The following PLIN4 variants were observed in gnomAD, a reference collection of about 807,000 sequenced individuals.
The protein encoded by PLIN4 is perilipin-4.
A neutral mutation model predicts 52.4 loss-of-function variants in PLIN4; 57 were observed. The observed-to-expected ratio is 1.09, with a 90% CI of 0.88 to 1.36. The LOEUF is 1.36. PLIN4 is among the 40% of genes most tolerant of loss of function. The pLI, the probability that PLIN4 is intolerant of heterozygous loss-of-function variation, is 0.00. For synonymous variants in PLIN4, 826 were observed against 785.4 expected (o/e 1.05, Z -0.86); for missense variants, 1,757 against 1,770.3 (o/e 0.99, Z 0.13).
intron 6 of PLIN4, among the ~76,000 whole-genome samples, chr19:4,505,156 G>A (rs1254660189): frequency 1.3e-5 from 2 of 152,154 alleles, no homozygotes; most frequent in Non-Finnish European, 2.9e-5. Context: ...GGGAGTGCAC[G>A]TAACACAGTG....
rs376134609 is a variant in PLIN4 at position 4,509,777 on chromosome 19, A to C, written c.3514+669T>G. On this transcript the variant is annotated intron_variant, in intron 5 of 7. Transcript: ENST00000301286. ...CAACATAGAGAGACAAAAAACATAC[A>C]AAAAAATACATAGCCGGGCATGGTG... Among the ~76,000 whole-genome samples, 16 of 151,886 alleles carry C rather than the reference A, an allele frequency of 1.1e-4. 1 individual carries two copies. The highest frequency in any genetic ancestry group is 2.9e-4 in the African/African-American group (12 of 41,324).
chr19:4,510,758 T>C lies in PLIN4; in HGVS notation c.3202A>G (p.Thr1068Ala), dbSNP rs1299046204. The C allele has an allele frequency of 8.3e-6, 13 of 1,563,262 alleles. No homozygotes were observed. Among genetic ancestry groups the C allele is most frequent in the Middle Eastern group, 1.7e-4 (1 of 5,782 alleles). ...CCATTGTCTGTGGTCCTGGAACTGG[T>C]GAGTCCACCCCAGGAGGTGGCGGGG... ...STPATSWGGL[T>A]SSRTTDNGGE... is the part of the protein sequence containing the mutation. Residue 1068 changes from threonine to alanine, a missense_variant, in exon 5 of 8, where the codon ACC becomes GCC. Physicochemically the swap from Thr to Ala is moderately conservative, Grantham distance 58. Transcript: ENST00000301286.
In PLIN4 at chr19:4,511,091, G is replaced by A. The variant is rs374494350; in HGVS notation, c.2869C>T (p.Leu957=). Residue 957 remains leucine, a synonymous_variant, in exon 5 of 8, where the codon CTG becomes TTG. Transcript: ENST00000301286. ...GTCACTGCATCCTTAGCGCCACTCA[G>A]CACCGTCTTGGCTGTGTCCACACCT... is the stretch of plus-strand genomic sequence containing the variant. ...QTGVDTAKTV[L]SGAKDAVTTG... The A allele has an allele frequency of 6.2e-7, 1 of 1,610,972 alleles. No homozygotes were observed. The highest frequency in any genetic ancestry group is 8.5e-7 in the Non-Finnish European group (1 of 1,178,036).
chr19:4,515,414 G>A (rs980733185), intron 4 of PLIN4, among the ~76,000 whole-genome samples: 5 of 151,540 alleles, frequency 3.3e-5, no homozygotes, highest in African/African-American at 7.3e-5. Flanking sequence ...TATTACAGGC[G>A]TGCACCACCA....
chr19:4,509,008 C>A, intron 5 of PLIN4, 53 bp from the exon 6 acceptor site: 1 of 1,531,298 alleles, frequency 6.5e-7, no homozygotes, highest in Admixed American at 2.0e-5. Flanking sequence ...GGCATCAGGG[C>A]TTTATAAAAG....
rs778109394 is a variant in PLIN4 at position 4,508,843 on chromosome 19, G to C, written c.3627C>G (p.His1209Gln). Residue 1209 changes from histidine to glutamine, a missense_variant, in exon 6 of 8, where the codon CAC (histidine) becomes CAG (glutamine). By Grantham distance (24) the His-to-Gln change is conservative. Around this residue, in one of 7 missense-constraint regions of PLIN4, gnomAD observed 712 missense variants for 637.1 expected, o/e 1.12. Transcript: ENST00000301286. The part of the protein sequence containing the change: ...GPSFRQRAFE[H>Q]AVSHLQHGQF... ...GGCCGTGCTGCAGGTGGCTCACCGC[G>C]TGTTCAAATGCCCGCTGGCGGAAGC... 3 of 1,610,158 alleles carry C rather than the reference G, an allele frequency of 1.9e-6. No individual in the cohort carries two copies. In the African/African-American group the frequency reaches 4.0e-5, roughly 22 times the overall value.
chr19:4,512,882 T>A lies in PLIN4; in HGVS notation c.1078A>T (p.Lys360Ter). 1 of 1,571,898 alleles carries A rather than the reference T, an allele frequency of 6.4e-7. No homozygotes were observed. Among genetic ancestry groups the A allele is most frequent in the South Asian group, 1.1e-5 (1 of 90,564 alleles). ...TTCTTGGTGCCAGTTAGGACAGTCT[T>A]GGTGGTGTCCACGCCGGTCTGGATG... The part of the protein sequence containing the change: ...GTIQTGVDTT[K>*]TVLTGTKNTV... Residue 360 changes from lysine (K) to a stop codon, truncating the protein, a stop_gained, in exon 5 of 8, where the codon AAG (lysine) becomes TAG (stop). Transcript: ENST00000301286. LOFTEE classifies it high-confidence loss of function.
At chr19:4,506,116 CAG>C (rs1039592108) in intron 6 of PLIN4, among the ~76,000 whole-genome samples, 7 of 152,132 alleles carry the variant, frequency 4.6e-5, no homozygotes, top group African/African-American at 1.7e-4. Flanking sequence ...CCTCCCCCAT[CAG>C]AGTGATCCTT....
Position 4,504,518 on chromosome 19 carries a change from G to A in PLIN4, c.4057C>T (p.His1353Tyr). Reference sequence around the variant, plus strand: ...ACCAGCCAGCTGAGCGGGGGATTGTGCTGTAGGCCCTCCAGCAGCTGCTCT... The same window carrying A: ...ACCAGCCAGCTGAGCGGGGGATTGTACTGTAGGCCCTCCAGCAGCTGCTCT... Reference protein sequence around the residue: ...GLEQLLEGLQHNPPLSWLVGP... With the variant: ...GLEQLLEGLQYNPPLSWLVGP... The change falls in exon 8 of 8, where the codon CAC becomes TAC. Residue 1353 changes from histidine (H) to tyrosine (Y), a missense_variant. His to Tyr is a moderately conservative substitution (Grantham distance 83, BLOSUM62 2). Coordinates refer to ENST00000301286, the MANE Select transcript of PLIN4 (RefSeq NM_001367868.2). The A allele has an allele frequency of 6.2e-7, 1 of 1,605,268 alleles. No individual in the cohort carries two copies.
In PLIN4 at chr19:4,511,095, C is replaced by T. The variant is rs373006053; in HGVS notation, c.2865G>A (p.Thr955=). The part of the protein sequence containing the change: ...TVQTGVDTAK[T]VLSGAKDAVT... ...CTGCATCCTTAGCGCCACTCAGCACCGTCTTGGCTGTGTCCACACCTGTCT... is the reference window on the plus strand; with the variant it reads ...CTGCATCCTTAGCGCCACTCAGCACTGTCTTGGCTGTGTCCACACCTGTCT... The change falls in exon 5 of 8, where the codon ACG becomes ACA. Residue 955 remains threonine, a synonymous_variant. Coordinates refer to ENST00000301286, the MANE Select transcript of PLIN4 (RefSeq NM_001367868.2). 42 of 1,610,608 alleles carry T rather than the reference C, an allele frequency of 2.6e-5. No homozygotes were observed. Among genetic ancestry groups the T allele is most frequent in the African/African-American group, 9.4e-5 (7 of 74,788 alleles).
rs12609140 is a variant in PLIN4 at position 4,517,660 on chromosome 19, G to C, written c.90C>G (p.Ser30Arg). 4.4e-6 allele frequency: 7 copies of C among 1,603,676 alleles called. No individual in the cohort carries two copies. In the South Asian group the frequency reaches 6.7e-5, roughly 15 times the overall value. ...CGTTGGCCACCAGGTTCCGGGCAGA[G>C]CTGAAGCCAGGCAGGGACCCAAAGA... ...GSFFGSLPGF[S>R]SARNLVANAH... Residue 30 changes from serine to arginine, a missense_variant, in exon 3 of 8, where the codon AGC (serine) becomes AGG (arginine). This residue lies in a region of PLIN4 where 332 missense variants were observed against 310.8 expected (regional missense o/e 1.07). Transcript: ENST00000301286.
intron 3 of PLIN4, 125 bp downstream of exon 3, chr19:4,517,429 T>C (rs914226107): frequency 3.2e-6 from 4 of 1,257,154 alleles, no homozygotes; most frequent in Non-Finnish European, 3.2e-6. Flanking sequence ...TCCTAGTGTC[T>C]GATGAGAGCA....
chr19:4,507,813 C>T (rs751459814), intron 6 of PLIN4, among the ~76,000 whole-genome samples: 2 of 152,048 alleles, frequency 1.3e-5, no homozygotes, highest in South Asian at 2.1e-4. Flanking sequence ...AGGCCAGGGA[C>T]GCTGCTCAGC....
rs201980549 is a variant in PLIN4 at position 4,510,609 on chromosome 19, C to T, written c.3351G>A (p.Ala1117=). Residue 1117 remains alanine (A), a synonymous_variant, in exon 5 of 8, where the codon GCG becomes GCA. Coordinates refer to ENST00000301286, the MANE Select transcript of PLIN4 (RefSeq NM_001367868.2). ...WEAAATTKGL[A]TDVATFTQGA... is the part of the protein sequence containing the mutation. ...CTTGGGTGAACGTCGCCACGTCAGT[C>T]GCAAGGCCCTTGGTAGTGGCTGCGG... 65 of 1,504,658 alleles carry T rather than the reference C, an allele frequency of 4.3e-5. No homozygotes were observed. The South Asian group carries it at 4.7e-4, about 11-fold the overall frequency. 93.2% of individuals were successfully genotyped at this position (1,504,658 alleles called of 1,614,324 possible). A position where few individuals can be genotyped will look rare whatever the true frequency, so the allele number is the denominator to read the frequency against.
chr19:4,507,694 C>T (rs536622864), intron 6 of PLIN4, among the ~76,000 whole-genome samples: 106 of 152,200 alleles, frequency 7.0e-4, no homozygotes, highest in Middle Eastern at 3.4e-3. Flanking sequence ...GTCTCACTGT[C>T]TCCAAAACAT....
At position 4,511,724 on chromosome 19, in the gene PLIN4, C is replaced by A; in HGVS notation, c.2236G>T (p.Gly746Trp). The A allele has an allele frequency of 8.3e-7, 1 of 1,202,356 alleles. No individual in the cohort carries two copies. The highest frequency in any genetic ancestry group is 1.5e-5 in the South Asian group (1 of 66,030). The allele number at this position is 1,202,356 out of a possible 1,614,324, so 74.5% of individuals were successfully genotyped here. The change falls in exon 5 of 8, where the codon GGG (glycine) becomes TGG (tryptophan). Residue 746 changes from glycine (G) to tryptophan (W), a missense_variant. Around this residue, in one of 7 missense-constraint regions of PLIN4, gnomAD observed 96 missense variants for 136.5 expected, o/e 0.70. Coordinates refer to ENST00000301286, the MANE Select transcript of PLIN4 (RefSeq NM_001367868.2). ...GTGTCCAGGCCCCCTTGGATGGCCC[C>A]TTTGGCCACATTCGCAGCACCGGTC... ...GVTGAANVAK[G>W]AIQGGLDTTK...
Position 4,502,486 on chromosome 19 carries a change from G to T in PLIN4, c.*1973C>A, listed in dbSNP as rs962674906. 1 of 280,036 alleles carries T rather than the reference G, an allele frequency of 3.6e-6. No individual in the cohort carries two copies. The highest frequency in any genetic ancestry group is 6.8e-6 in the Non-Finnish European group (1 of 146,942). 17.3% of individuals were successfully genotyped at this position (280,036 alleles called of 1,614,324 possible). On this transcript the variant is annotated 3_prime_UTR_variant, in exon 8 of 8. Transcript: ENST00000301286. ...CTGCCCCGCACCCACGAGGCTGGGG[G>T]GTTTGATGCTTCCTGCATCTGGCAG...
At chr19:4,506,768 A>G (rs1218186621) in intron 6 of PLIN4, among the ~76,000 whole-genome samples, 1 of 152,248 alleles carries the variant, frequency 6.6e-6, no homozygotes. Context: ...ATGCTTTGTG[A>G]TCAGCCGCTT....
chr19:4,512,452 G>T lies in PLIN4; in HGVS notation c.1508C>A (p.Ser503Tyr), dbSNP rs760234285. 1.2e-6 allele frequency: 2 copies of T among 1,609,406 alleles called. No homozygotes were observed. Among genetic ancestry groups the T allele is most frequent in the Admixed American group, 3.4e-5 (2 of 59,648 alleles). ...GTTCACAGCCCCTGTGAGCCCAGTG[G>T]ACACAGCATCTTTAGTGCCAGTCAG... ...SVLTGTKDAV[S>Y]TGLTGAVNVA... Residue 503 changes from serine (S) to tyrosine (Y), a missense_variant, in exon 5 of 8, where the codon TCC (serine) becomes TAC (tyrosine). Physicochemically the swap from Ser to Tyr is moderately radical, Grantham distance 144 (BLOSUM62 -2). Transcript: ENST00000301286.
Sources: allele counts gnomAD v4.1 joint callset (sites outside exome capture counted in the v4.1 genomes callset), GRCh38; gene constraint gnomAD v4.1.1; regional missense constraint gnomAD v4.1.1; transcripts MANE v1.5; gene names NCBI Gene and HGNC (gene_info 2026-07-23, HGNC 2026-07-21).